Variants in RAI1 observed in about 807,000 individuals in gnomAD.
The protein encoded by RAI1 is retinoic acid-induced protein 1.
In RAI1, 9 loss-of-function variants were observed where a neutral mutation model predicts 123.8. That is an observed-to-expected ratio of 0.07 (90% CI 0.04 to 0.13). The LOEUF (loss-of-function observed/expected upper bound fraction) is 0.13. RAI1 is among the 10% of genes least tolerant of loss of function. RAI1 has a pLI of 1.00. For missense variants in RAI1, 2,256 were observed against 2,545.8 expected (o/e 0.89, Z 2.45); for synonymous variants, 1,231 against 1,127.3 (o/e 1.09, Z -1.84).
At chr17:17,750,232 G>T (rs2030101637) in intron 2 of RAI1, among the ~76,000 whole-genome samples, 1 of 152,234 alleles carries the variant, frequency 6.6e-6, no homozygotes, top group South Asian at 2.1e-4. Context: ...TCTTCCCATA[G>T]GTTGCTGTAT....
chr17:17,771,260 TTCCATCCATCCA>T (rs553683617), intron 2 of RAI1, among the ~76,000 whole-genome samples: 15 of 152,168 alleles, frequency 9.9e-5, no homozygotes, highest in African/African-American at 3.6e-4. Context: ...GGGGTTAGAA[TTCCATCCATCCA>T]TCCATCCATC....
chr17:17,708,882 C>T (rs1249930469), intron 1 of RAI1, among the ~76,000 whole-genome samples: 2 of 152,250 alleles, frequency 1.3e-5, no homozygotes, highest in African/African-American at 2.4e-5. Context: ...TCCAGCTTCA[C>T]AGCTGCCAGG....
intron 1 of RAI1, among the ~76,000 whole-genome samples, chr17:17,722,355 T>C (rs1314901132): frequency 2.6e-5 from 4 of 152,092 alleles, no homozygotes; most frequent in Non-Finnish European, 2.9e-5. Context: ...GCCCCGGGGC[T>C]CGGCGCCCGC....
At chr17:17,764,818 G>A (rs1297670626) in intron 2 of RAI1, among the ~76,000 whole-genome samples, 4 of 152,182 alleles carry the variant, frequency 2.6e-5, no homozygotes, top group Non-Finnish European at 4.4e-5. Context: ...CTGAACTCCT[G>A]GCCTCAAGCT....
At chr17:17,781,473 G>C (rs1490068062) in intron 2 of RAI1, among the ~76,000 whole-genome samples, 1 of 152,194 alleles carries the variant, frequency 6.6e-6, no homozygotes, top group Non-Finnish European at 1.5e-5. Flanking sequence ...TGGCCTTTTG[G>C]AGAGCAGAGT....
rs370671656 is a variant in RAI1 at position 17,793,162 on chromosome 17, G to A, written c.214G>A (p.Ala72Thr). Residue 72 changes from alanine to threonine, a missense_variant, in exon 3 of 6, where the codon GCG becomes ACG. Transcript: ENST00000353383. The stretch of plus-strand genomic sequence containing the variant: ...TGGCACGCCCTCTGGCACTGCAGCC[G>A]CGGTGGCCGCCGACAAGTACCACCG... ...GAGTPSGTAA[A>T]VAADKYHRGS... 141 of 1,613,046 alleles carry A rather than the reference G, an allele frequency of 8.7e-5. No individual in the cohort carries two copies. The highest frequency in any genetic ancestry group is 7.8e-4 in the Admixed American group (47 of 59,982).
In RAI1 at chr17:17,731,751, C is replaced by T. The variant is rs1199139918; in HGVS notation, c.-17+7592C>T. 2.6e-5 allele frequency among the ~76,000 whole-genome samples: 4 copies of T among 152,136 alleles called. No individual in the cohort carries two copies. In the East Asian group the frequency reaches 7.7e-4, roughly 29 times the overall value. ...CCTAGAATGCTGGTCTAGAGGGAAG[C>T]AGGGACCTGACCATCTCCCCAACCT... On this transcript the variant is annotated intron_variant, in intron 2 of 5. Coordinates refer to ENST00000353383, the MANE Select transcript of RAI1 (RefSeq NM_030665.4).
In RAI1 at chr17:17,801,964, TG is replaced by T. The variant is rs1206005198; in HGVS notation, c.5566-1791del. 1 of 430,636 alleles carries T rather than the reference TG, an allele frequency of 2.3e-6. No individual in the cohort carries two copies. Among genetic ancestry groups the T allele is most frequent in the Non-Finnish European group, 4.7e-6 (1 of 210,864 alleles). 26.7% of individuals were successfully genotyped at this position (430,636 alleles called of 1,614,324 possible). A position where few individuals can be genotyped will look rare whatever the true frequency, so the allele number is the denominator to read the frequency against. On this transcript the variant is annotated intron_variant, in intron 3 of 5. Transcript: ENST00000353383. This position sits in a 1 kb window ranked among gnomAD's most constrained non-coding sequence, Gnocchi z 4.1. The stretch of plus-strand genomic sequence containing the variant: ...TGGCACATAGGAAGCTATTGTCGTT[TG>T]TTTCACTGGCTTCGCACTTGGGCAG...
chr17:17,725,398 C>A (rs918056708), intron 2 of RAI1, among the ~76,000 whole-genome samples: 1 of 152,176 alleles, frequency 6.6e-6, no homozygotes, highest in African/African-American at 2.4e-5. Context: ...TCGACCCCTC[C>A]CTCAGGGCCG....
At chr17:17,701,875 CTG>C (rs1432154354) in intron 1 of RAI1, among the ~76,000 whole-genome samples, 2 of 152,254 alleles carry the variant, frequency 1.3e-5, no homozygotes, top group Non-Finnish European at 1.5e-5. Flanking sequence ...CTGGTCCTGC[CTG>C]TGTCAGGCAA....
rs900421619 is a variant in RAI1, at chr17:17,793,216, G to A, written c.268G>A (p.Gly90Ser). Reference protein sequence around the residue: ...RGSKALPTQQGLQGRPAFPGY... With the variant: ...RGSKALPTQQSLQGRPAFPGY... ...CAGCAAGGCCCTGCCCACACAGCAA[G>A]GCCTGCAGGGGAGGCCGGCTTTCCC... The change falls in exon 3 of 6, where the codon GGC becomes AGC. Residue 90 changes from glycine to serine, a missense_variant. This residue lies in a region of RAI1 where 336 missense variants were observed against 349.8 expected (regional missense o/e 0.96). Transcript: ENST00000353383. 1.2e-6 allele frequency: 2 copies of A among 1,612,140 alleles called. No homozygotes were observed. The highest frequency in any genetic ancestry group is 1.7e-6 in the Non-Finnish European group (2 of 1,179,426).
At chr17:17,684,537 T>C (rs932782929) in intron 1 of RAI1, 2 of 151,992 alleles carry the variant, frequency 1.3e-5, no homozygotes, top group Admixed American at 6.6e-5. Context: ...AACACTTGGA[T>C]ACTTGGGTGA....
chr17:17,749,719 C>G (rs2030078700), intron 2 of RAI1, among the ~76,000 whole-genome samples: 2 of 152,310 alleles, frequency 1.3e-5, no homozygotes, highest in East Asian at 1.9e-4. Context: ...CTCAGAGAAG[C>G]CTTCCTGCCC....
chr17:17,717,365 C>T (rs963632342), intron 1 of RAI1, among the ~76,000 whole-genome samples: 2 of 152,136 alleles, frequency 1.3e-5, no homozygotes, highest in Non-Finnish European at 2.9e-5. Flanking sequence ...GGCAGAGAAC[C>T]CCAGCCAGCC....
rs1252500487 is a variant in RAI1, at chr17:17,780,013, G to A, written c.-16-12920G>A. ...GATGGTCTCGATCTCCTGACCTCAT[G>A]ATCCGCCTGCCTCGGCCTCCCAAAG... is the stretch of plus-strand genomic sequence containing the variant. On this transcript the variant is annotated intron_variant, in intron 2 of 5. Transcript: ENST00000353383. 4.0e-5 allele frequency among the ~76,000 whole-genome samples: 6 copies of A among 149,954 alleles called. No individual in the cohort carries two copies. The East Asian group carries it at 9.9e-4, about 25-fold the overall frequency.
At chr17:17,761,408 C>G (rs2030691635) in intron 2 of RAI1, among the ~76,000 whole-genome samples, 1 of 152,198 alleles carries the variant, frequency 6.6e-6, no homozygotes, top group African/African-American at 2.4e-5. Context: ...TGAGCACCTA[C>G]TCTGTGCCAG....
rs1363856805 is a variant in RAI1 at position 17,794,734 on chromosome 17, C to T, written c.1786C>T (p.Arg596Trp). Residue 596 changes from arginine (R) to tryptophan (W), a missense_variant, in exon 3 of 6, where the codon CGG becomes TGG. Physicochemically the swap from Arg to Trp is moderately radical, Grantham distance 101. Coordinates refer to ENST00000353383, the MANE Select transcript of RAI1 (RefSeq NM_030665.4). ...CGTGGCGGGTGAGCGGGACTGTCCGCGGCTGCTGCTCAGCGCCCTGGCACA... is the reference window on the plus strand; with the variant it reads ...CGTGGCGGGTGAGCGGGACTGTCCGTGGCTGCTGCTCAGCGCCCTGGCACA... ...KFVAGERDCP[R>W]LLLSALAQED... 3 of 1,611,894 alleles carry T rather than the reference C, an allele frequency of 1.9e-6. No homozygotes were observed. The highest frequency in any genetic ancestry group is 2.5e-6 in the Non-Finnish European group (3 of 1,180,032).
chr17:17,692,724 A>T (rs954604613), intron 1 of RAI1, among the ~76,000 whole-genome samples: 1 of 152,158 alleles, frequency 6.6e-6, no homozygotes, highest in African/African-American at 2.4e-5. Context: ...TTTTCTTTTC[A>T]TGGTTTTCTC....
At chr17:17,791,380 C>A (rs558695538) in intron 2 of RAI1, among the ~76,000 whole-genome samples, 25 of 152,262 alleles carry the variant, frequency 1.6e-4, no homozygotes, top group Middle Eastern at 3.4e-3. Context: ...GTAAATGGAG[C>A]AGCACCCCCA....
Sources: allele counts gnomAD v4.1 joint callset (sites outside exome capture counted in the v4.1 genomes callset), GRCh38; gene constraint gnomAD v4.1.1; regional missense constraint gnomAD v4.1.1; non-coding constraint Gnocchi (gnomAD v3.1); transcripts MANE v1.5; gene names NCBI Gene and HGNC (gene_info 2026-07-23, HGNC 2026-07-21).